CNTNAP4: variants seen among roughly 807,000 people sequenced by gnomAD.
CNTNAP4 encodes the protein contactin-associated protein-like 4.
A neutral mutation model predicts 148.4 loss-of-function variants in CNTNAP4; 98 were observed. The observed-to-expected ratio is 0.66, with a 90% CI of 0.56 to 0.78. The LOEUF (loss-of-function observed/expected upper bound fraction) is 0.78. Among genes scored for constraint, CNTNAP4 ranks in the 30% least tolerant of loss-of-function variants. CNTNAP4 has a pLI of 0.00. For synonymous variants in CNTNAP4, 730 were observed against 565.1 expected (o/e 1.29, Z -4.14); for missense variants, 1,935 against 1,565.6 (o/e 1.24, Z -3.98).
In CNTNAP4 at chr16:76,467,435, G is replaced by T. The variant is rs766264146; in HGVS notation, c.1567G>T (p.Gly523Cys). The T allele has an allele frequency of 5.0e-6, 8 of 1,613,740 alleles. No individual in the cohort carries two copies. The highest frequency in any genetic ancestry group is 5.9e-6 in the Non-Finnish European group (7 of 1,179,784). The change falls in exon 10 of 24, where the codon GGC becomes TGC. Residue 523 changes from glycine to cysteine, a missense_variant. Transcript: ENST00000611870. ...ATGTATGAGGCTCATTTCTATCAGC[G>T]GCAAAGTGGTAGATCTGATTTCAGT... is the stretch of plus-strand genomic sequence containing the variant. ...QGCMRLISIS[G>C]KVVDLISVQQ...
chr16:76,435,570 A>G (rs1202753087), intron 4 of CNTNAP4, among the ~76,000 whole-genome samples: 1 of 152,166 alleles, frequency 6.6e-6, no homozygotes, highest in Non-Finnish European at 1.5e-5. Context: ...TCAAAGATGC[A>G]GATGCTGCCC....
chr16:76,521,795 A>G (rs538661500), intron 16 of CNTNAP4, among the ~76,000 whole-genome samples: 38 of 133,110 alleles, frequency 2.9e-4, no homozygotes, highest in Non-Finnish European at 5.5e-4. Flanking sequence ...AGCTCTGAGG[A>G]GGACTATCTT....
intron 3 of CNTNAP4, among the ~76,000 whole-genome samples, chr16:76,371,039 C>T (rs2014761043): frequency 1.3e-5 from 2 of 152,104 alleles, no homozygotes; most frequent in South Asian, 4.1e-4. Context: ...GGTTTAGGGT[C>T]ATTTTTGCCA....
intron 3 of CNTNAP4, among the ~76,000 whole-genome samples, chr16:76,367,935 T>C (rs1284065446): frequency 6.6e-6 from 1 of 152,218 alleles, no homozygotes; most frequent in Non-Finnish European, 1.5e-5. Context: ...AGGTTATGTC[T>C]GTGATAGCTA....
chr16:76,538,394 A>G (rs749343902), intron 19 of CNTNAP4, 54 bp downstream of exon 19: 2 of 1,272,738 alleles, frequency 1.6e-6, no homozygotes, highest in Non-Finnish European at 1.1e-6. Context: ...CTAGCTCTGT[A>G]ATAATATGGA....
chr16:76,446,023 G>T (rs2143114341), intron 4 of CNTNAP4, among the ~76,000 whole-genome samples: 1 of 152,222 alleles, frequency 6.6e-6, no homozygotes, highest in African/African-American at 2.4e-5. Flanking sequence ...TCTTTCTACA[G>T]AATGCAGTAT....
chr16:76,480,179 C>A (rs371593715), intron 12 of CNTNAP4, among the ~76,000 whole-genome samples: 2 of 151,914 alleles, frequency 1.3e-5, no homozygotes, highest in South Asian at 4.2e-4. Flanking sequence ...AAAAAAAGAC[C>A]AAGATTCTCA....
intron 13 of CNTNAP4, among the ~76,000 whole-genome samples, chr16:76,490,191 T>C (rs543451628): frequency 1.3e-5 from 2 of 152,342 alleles, no homozygotes; most frequent in South Asian, 2.1e-4. Context: ...ACAGTGTTTA[T>C]CCCTGATAAA....
intron 3 of CNTNAP4, among the ~76,000 whole-genome samples, chr16:76,423,482 C>T (rs2079265570): frequency 6.6e-6 from 1 of 151,978 alleles, no homozygotes; most frequent in Non-Finnish European, 1.5e-5. Flanking sequence ...ATAAATGTCC[C>T]TGTAATAAAA....
chr16:76,492,230 T>C (rs943168917), intron 13 of CNTNAP4, among the ~76,000 whole-genome samples: 2 of 152,144 alleles, frequency 1.3e-5, no homozygotes, highest in African/African-American at 4.8e-5. Flanking sequence ...ATACTTGAAA[T>C]CTGCTAAGAG....
At chr16:76,448,572 A>G (rs1227055663) in intron 5 of CNTNAP4, among the ~76,000 whole-genome samples, 195 bp from the exon 6 acceptor site, 2 of 152,198 alleles carry the variant, frequency 1.3e-5, no homozygotes, top group Non-Finnish European at 2.9e-5. Flanking sequence ...AAAAAGAATT[A>G]ACAACGGAGG....
At chr16:76,457,428 A>G (rs985198691) in intron 8 of CNTNAP4, among the ~76,000 whole-genome samples, 1 of 152,224 alleles carries the variant, frequency 6.6e-6, no homozygotes, top group African/African-American at 2.4e-5. Flanking sequence ...ACTTCATTCT[A>G]TTCACAACCT....
At chr16:76,424,757 T>TA (rs918208529) in intron 3 of CNTNAP4, among the ~76,000 whole-genome samples, 6 of 126,108 alleles carry the variant, frequency 4.8e-5, no homozygotes, top group Admixed American at 3.9e-4. Flanking sequence ...AGACTCGGTC[T>TA]AAAAAAACAA....
At chr16:76,342,788 A>G (rs998033921) in intron 2 of CNTNAP4, among the ~76,000 whole-genome samples, 2 of 152,310 alleles carry the variant, frequency 1.3e-5, no homozygotes, top group South Asian at 2.1e-4. Context: ...AACAATGACA[A>G]ACTGACCTGT....
In CNTNAP4 at chr16:76,427,494, A is replaced by G. The variant is rs746097690; in HGVS notation, c.433A>G (p.Arg145Gly). The G allele has an allele frequency of 9.3e-6, 15 of 1,613,170 alleles. No homozygotes were observed. The highest frequency in any genetic ancestry group is 6.7e-5 in the African/African-American group (5 of 74,898). ...AAATGCAGACAGTGTTGTGTACTAT[A>G]GACTCCAGCCTTCTATCAAAGCCAG... ...NANADSVVYY[R>G]LQPSIKARFL... is the part of the protein sequence containing the mutation. Residue 145 changes from arginine (R) to glycine (G), a missense_variant, in exon 4 of 24, where the codon AGA becomes GGA. By Grantham distance (125) the Arg-to-Gly change is moderately radical. Coordinates refer to ENST00000611870, the MANE Select transcript of CNTNAP4 (RefSeq NM_033401.5).
chr16:76,391,504 A>G (rs545598495), intron 3 of CNTNAP4, among the ~76,000 whole-genome samples: 1 of 152,346 alleles, frequency 6.6e-6, no homozygotes, highest in African/African-American at 2.4e-5. Context: ...CCTAGTAAAT[A>G]AAGATCTGGC....
Position 76,535,676 on chromosome 16 carries a change from AG to A in CNTNAP4, c.2888del (p.Ser963ThrfsTer48). Reference sequence around the variant, plus strand: ...GCAGCCAGGTTGTAGGGGACATTGCAGCAGCTATGGGAAGTTATGCCGCAAT... The same window carrying A: ...GCAGCCAGGTTGTAGGGGACATTGCACAGCTATGGGAAGTTATGCCGCAAT... ...EVQPGCRGHC[S>X]SYGKLCRNGG... On this transcript the variant is annotated frameshift_variant, in exon 18 of 24. Transcript: ENST00000611870. LOFTEE classifies it high-confidence loss of function. 6.2e-7 allele frequency: 1 copy of A among 1,614,058 alleles called. No individual in the cohort carries two copies. The highest frequency in any genetic ancestry group is 8.5e-7 in the Non-Finnish European group (1 of 1,179,936).
intron 15 of CNTNAP4, among the ~76,000 whole-genome samples, chr16:76,509,536 A>G (rs906994279): frequency 2.0e-5 from 2 of 97,942 alleles, no homozygotes; most frequent in African/African-American, 5.1e-5. Flanking sequence ...AGTATATTCA[A>G]CGTAAGTGAT....
intron 3 of CNTNAP4, among the ~76,000 whole-genome samples, chr16:76,402,234 G>T (rs923542001): frequency 2.6e-5 from 4 of 152,034 alleles, no homozygotes; most frequent in Admixed American, 2.6e-4. Flanking sequence ...GGTCTGTTCA[G>T]GGAATCAATT....
Sources: gnomAD v4.1 joint callset for allele counts (sites outside exome capture counted in the v4.1 genomes callset) on GRCh38, gnomAD v4.1.1 for gene constraint, MANE v1.5 for transcripts, NCBI Gene and HGNC (gene_info 2026-07-23, HGNC 2026-07-21) for gene names.